The following FAM234A variants were observed in gnomAD, a reference collection of about 807,000 sequenced individuals.
FAM234A encodes family with sequence similarity 234 member A.
In FAM234A, 42 loss-of-function variants were observed where a neutral mutation model predicts 49.1. The observed-to-expected ratio is 0.86, with a 90% CI of 0.67 to 1.11. The LOEUF (loss-of-function observed/expected upper bound fraction) is 1.11, where lower values mean the gene tolerates loss of function less well. FAM234A is among the 50% of genes least tolerant of loss of function. FAM234A has a pLI of 0.00. For synonymous variants in FAM234A, 369 were observed against 316.2 expected (o/e 1.17, Z -1.77); for missense variants, 815 against 745.2 (o/e 1.09, Z -1.09).
Position 266,055 on chromosome 16 carries a change from A to C in FAM234A, c.*1033A>C. The stretch of plus-strand genomic sequence containing the variant: ...AAAGCAGCCTGATGACCCACCCACC[A>C]AGGAAGAAAGCAGAATAAACATTTT... On this transcript the variant is annotated 3_prime_UTR_variant, in exon 13 of 13. Coordinates refer to ENST00000399932, the MANE Select transcript of FAM234A (RefSeq NM_032039.4). 1 of 986,006 alleles carries C rather than the reference A, an allele frequency of 1.0e-6. No homozygotes were observed. 61.1% of individuals were successfully genotyped at this position (986,006 alleles called of 1,614,324 possible).
At chr16:253,339 A>G (rs2051095944) in intron 2 of FAM234A, among the ~76,000 whole-genome samples, 1 of 152,050 alleles carries the variant, frequency 6.6e-6, no homozygotes, top group East Asian at 1.9e-4. Flanking sequence ...TCCCCTGCGG[A>G]CTTCTGTTTG....
chr16:257,024 G>A (rs138755037), intron 3 of FAM234A, among the ~76,000 whole-genome samples: 112 of 152,054 alleles, frequency 7.4e-4, no homozygotes, highest in African/African-American at 2.5e-3. Context: ...TTACAGGCAC[G>A]TGCCACCACG....
intron 8 of FAM234A, among the ~76,000 whole-genome samples, chr16:262,882 C>G (rs1373297561): frequency 2.1e-5 from 3 of 145,794 alleles, no homozygotes; most frequent in Non-Finnish European, 4.5e-5. Context: ...TGCAGTGGTG[C>G]GATCTCGGTT....
chr16:250,391 G>A (rs2050958622), intron 2 of FAM234A, among the ~76,000 whole-genome samples: 1 of 147,688 alleles, frequency 6.8e-6, no homozygotes, highest in Non-Finnish European at 1.5e-5. Context: ...TTTTTCCCTA[G>A]TTACCTTTTC....
At chr16:249,460 G>A (rs1196128108) in intron 1 of FAM234A, 89 bp from the exon 2 acceptor site, 2 of 152,054 alleles carry the variant, frequency 1.3e-5, no homozygotes, top group Non-Finnish European at 2.9e-5. Flanking sequence ...ACCACTGAGA[G>A]TCATGTCTTT....
chr16:261,233 C>A, intron 5 of FAM234A, 151 bp from the exon 6 acceptor site: 1 of 857,450 alleles, frequency 1.2e-6, no homozygotes, highest in Non-Finnish European at 1.8e-6. Context: ...GCCCTCCCCT[C>A]CTGTTGGCAT....
intron 1 of FAM234A, among the ~76,000 whole-genome samples, chr16:242,222 TC>T (rs2050642302): frequency 6.6e-6 from 1 of 151,986 alleles, no homozygotes; most frequent in South Asian, 2.1e-4. Flanking sequence ...TTACCGATAG[TC>T]CTTTTTTTTG....
intron 1 of FAM234A, among the ~76,000 whole-genome samples, chr16:248,769 C>T (rs2050901192): frequency 6.6e-6 from 1 of 151,642 alleles, no homozygotes; most frequent in African/African-American, 2.4e-5. Flanking sequence ...TATAGGTGCC[C>T]ACCACCACAC....
Position 238,765 on chromosome 16 carries a change from CAAAAAA to C in FAM234A, c.-140+3924_-140+3929del, listed in dbSNP as rs34366851. Among the ~76,000 whole-genome samples the C allele has an allele frequency of 5.9e-3, 225 of 37,888 alleles. 1 individual carries two copies. Among genetic ancestry groups the C allele is most frequent in the African/African-American group, 0.029 (212 of 7,394 alleles). The allele number at this position is 37,888 out of a possible 152,430, so 24.9% of individuals were successfully genotyped here. A position where few individuals can be genotyped will look rare whatever the true frequency, so the allele number is the denominator to read the frequency against. The stretch of plus-strand genomic sequence containing the variant: ...TGGGCGACAGAGTGAGACTCCGTCT[CAAAAAA>C]AAAAAAAAAAAAAAAGAAAAAAAAA... On this transcript the variant is annotated intron_variant, in intron 1 of 12. Coordinates refer to ENST00000399932, the MANE Select transcript of FAM234A (RefSeq NM_032039.4).
Position 259,378 on chromosome 16 carries a change from A to C in FAM234A, c.269-105A>C, listed in dbSNP as rs574880578. On this transcript the variant is annotated intron_variant, in intron 3 of 12. Coordinates refer to ENST00000399932, the MANE Select transcript of FAM234A (RefSeq NM_032039.4). ...GCCACCGTCCTCGTTGGGTGCCCTC[A>C]CAGTGGCAGGTTCCATGTAGCAGAG... is the stretch of plus-strand genomic sequence containing the variant. 454 of 691,164 alleles carry C rather than the reference A, an allele frequency of 6.6e-4. 2 individuals are homozygous for C. In the African/African-American group the frequency reaches 7.5e-3, roughly 11 times the overall value. 42.8% of individuals were successfully genotyped at this position (691,164 alleles called of 1,614,324 possible). A position where few individuals can be genotyped will look rare whatever the true frequency, so the allele number is the denominator to read the frequency against.
In FAM234A at chr16:263,998, T is replaced by G; in HGVS notation, c.1189-18T>G. ...GTAGCCCCCACGTTGGCCCCCACAG[T>G]GTCCCCTCCCTCCCCAGATCCTGTT... is the stretch of plus-strand genomic sequence containing the variant. On this transcript the variant is annotated intron_variant, in intron 10 of 12. Coordinates refer to ENST00000399932, the MANE Select transcript of FAM234A (RefSeq NM_032039.4). The G allele has an allele frequency of 6.2e-7, 1 of 1,603,386 alleles. No individual in the cohort carries two copies. Among genetic ancestry groups the G allele is most frequent in the East Asian group, 2.2e-5 (1 of 44,690 alleles).
intron 2 of FAM234A, among the ~76,000 whole-genome samples, chr16:250,950 ATATGT>A (rs1161084446): frequency 6.6e-6 from 1 of 152,084 alleles, no homozygotes; most frequent in Admixed American, 6.6e-5. Context: ...TTATCCATTC[ATATGT>A]TTTGTTTTGT....
chr16:260,380 C>T lies in FAM234A; in HGVS notation c.577+220C>T, dbSNP rs776828278. On this transcript the variant is annotated intron_variant, in intron 5 of 12. Coordinates refer to ENST00000399932, the MANE Select transcript of FAM234A (RefSeq NM_032039.4). Reference sequence around the variant, plus strand: ...CAGCTGCACTGTGTCTGTTACCTCCCGTTACACCTTGCTGGTGGGCTGTAA... The same window carrying T: ...CAGCTGCACTGTGTCTGTTACCTCCTGTTACACCTTGCTGGTGGGCTGTAA... 2.2e-5 allele frequency: 13 copies of T among 595,810 alleles called. No individual in the cohort carries two copies. In the East Asian group the frequency reaches 2.6e-4, roughly 12 times the overall value. The allele number at this position is 595,810 out of a possible 1,614,324, so 36.9% of individuals were successfully genotyped here. A position where few individuals can be genotyped will look rare whatever the true frequency, so the allele number is the denominator to read the frequency against.
intron 1 of FAM234A, among the ~76,000 whole-genome samples, chr16:239,215 G>A (rs549298583): frequency 3.7e-5 from 5 of 136,288 alleles, no homozygotes; most frequent in African/African-American, 8.5e-5. Context: ...CAGGAGAATC[G>A]CTTGAACCCA....
At chr16:260,543 G>C (rs1309667721) in intron 5 of FAM234A, 1 of 481,308 alleles carries the variant, frequency 2.1e-6, no homozygotes, top group Admixed American at 2.3e-5. Context: ...CGGCCCGTCA[G>C]GGGAGATCGG....
chr16:254,283 G>A, intron 2 of FAM234A, 98 bp from the exon 3 acceptor site: 1 of 928,554 alleles, frequency 1.1e-6, no homozygotes, highest in African/African-American at 1.6e-5. Context: ...TAGAGCTGCA[G>A]CCAGTCCCCA....
At chr16:256,650 A>T (rs1429558549) in intron 3 of FAM234A, among the ~76,000 whole-genome samples, 1 of 152,016 alleles carries the variant, frequency 6.6e-6, no homozygotes, top group African/African-American at 2.4e-5. Flanking sequence ...GGCTCACTGC[A>T]ACCTCTGCCT....
intron 1 of FAM234A, among the ~76,000 whole-genome samples, chr16:235,981 C>A (rs546204811): frequency 6.6e-6 from 1 of 151,544 alleles, no homozygotes; most frequent in Admixed American, 6.6e-5. Context: ...GGTGAAATCC[C>A]GTCTCTACTA....
At chr16:268,411 C>T (rs114569898), downstream of FAM234A, 14 of 330,070 alleles carry the variant, frequency 4.2e-5, no homozygotes, top group South Asian at 9.7e-5. Context: ...ACCGCCCTAC[C>T]GCCGAGAGAG....
Sources: gnomAD v4.1 joint callset for allele counts (sites outside exome capture counted in the v4.1 genomes callset) on GRCh38, gnomAD v4.1.1 for gene constraint, MANE v1.5 for transcripts, NCBI Gene and HGNC (gene_info 2026-07-23, HGNC 2026-07-21) for gene names.